MFHAS1: variants seen among roughly 807,000 people sequenced by gnomAD.
The protein encoded by MFHAS1 is multifunctional ROCO family signaling regulator 1.
MFHAS1 carries 50 observed loss-of-function variants against 70.4 expected under a neutral mutation model. The observed-to-expected ratio is 0.71, with a 90% CI of 0.57 to 0.90. The LOEUF (loss-of-function observed/expected upper bound fraction) is 0.90. Among genes scored for constraint, MFHAS1 ranks in the 40% least tolerant of loss-of-function variants. The pLI is 0.00. For synonymous variants in MFHAS1, 952 were observed against 620.0 expected (o/e 1.54, Z -7.96); for missense variants, 1,795 against 1,347.6 (o/e 1.33, Z -5.20).
At chr8:8,803,938 C>G (rs1339601217) in intron 1 of MFHAS1, among the ~76,000 whole-genome samples, 1 of 152,140 alleles carries the variant, frequency 6.6e-6, no homozygotes, top group African/African-American at 2.4e-5. Context: ...TGCCATTGCA[C>G]TCCAGCCTGG....
chr8:8,788,389 C>G (rs1292553138), intron 2 of MFHAS1, among the ~76,000 whole-genome samples: 2 of 152,154 alleles, frequency 1.3e-5, no homozygotes, highest in Admixed American at 1.3e-4. Flanking sequence ...ATAAAAAGTA[C>G]TGAGGAGAGC....
intron 1 of MFHAS1, among the ~76,000 whole-genome samples, chr8:8,830,299 G>T (rs1295986898): frequency 6.6e-6 from 1 of 152,150 alleles, no homozygotes; most frequent in Non-Finnish European, 1.5e-5. Context: ...TCTATATCAG[G>T]ATTTTCCTGA....
chr8:8,864,823 G>C (rs965105753), intron 1 of MFHAS1, among the ~76,000 whole-genome samples: 5 of 152,186 alleles, frequency 3.3e-5, no homozygotes, highest in Middle Eastern at 3.2e-3. Context: ...GGGAGAGAGA[G>C]AGGACTCAGA....
At chr8:8,824,345 C>T (rs183103274) in intron 1 of MFHAS1, among the ~76,000 whole-genome samples, 28 of 152,170 alleles carry the variant, frequency 1.8e-4, no homozygotes, top group Non-Finnish European at 3.2e-4. Context: ...ACAGGGTACC[C>T]CGGAGTCCTT....
chr8:8,859,927 C>T (rs1808599526), intron 1 of MFHAS1: 1 of 152,168 alleles, frequency 6.6e-6, no homozygotes, highest in African/African-American at 2.4e-5. Flanking sequence ...TGGTATTAAT[C>T]CCATTTTCAG....
At chr8:8,840,457 A>G (rs1465294687) in intron 1 of MFHAS1, among the ~76,000 whole-genome samples, 2 of 128,658 alleles carry the variant, frequency 1.6e-5, no homozygotes, top group Non-Finnish European at 3.3e-5. Flanking sequence ...ACTCCATCTC[A>G]ATACAAAAAA....
intron 1 of MFHAS1, among the ~76,000 whole-genome samples, chr8:8,883,001 A>C (rs1166717331): frequency 6.6e-6 from 1 of 151,808 alleles, no homozygotes; most frequent in African/African-American, 2.4e-5. Context: ...AAAAATACAA[A>C]AATTAGCCAG....
intron 1 of MFHAS1, among the ~76,000 whole-genome samples, chr8:8,838,201 A>G (rs1230673301): frequency 6.6e-6 from 1 of 152,232 alleles, no homozygotes; most frequent in Admixed American, 6.5e-5. Flanking sequence ...TAGACAAGGC[A>G]GATCTAATCT....
At chr8:8,790,636 C>A (rs1030407652) in intron 2 of MFHAS1, among the ~76,000 whole-genome samples, 1 of 152,148 alleles carries the variant, frequency 6.6e-6, no homozygotes, top group Admixed American at 6.5e-5. Flanking sequence ...TATAAAATAC[C>A]ATCCCATCCT....
At position 8,892,128 on chromosome 8, in the gene MFHAS1, C is replaced by T; in HGVS notation, c.931G>A (p.Val311Met). 6.2e-7 allele frequency: 1 copy of T among 1,612,480 alleles called. No individual in the cohort carries two copies. The highest frequency in any genetic ancestry group is 8.5e-7 in the Non-Finnish European group (1 of 1,180,028). ...LYLSRNQLTS[V>M]PSLISGLGRL... ...CCCAGGCCCGAGATAAGGGATGGCA[C>T]CGAGGTGAGCTGGTTGCGACTAAGG... The change falls in exon 1 of 3, where the codon GTG becomes ATG. Residue 311 changes from valine (V) to methionine (M), a missense_variant. Coordinates refer to ENST00000276282, the MANE Select transcript of MFHAS1 (RefSeq NM_004225.3). This position sits in a 1 kb window ranked among gnomAD's most constrained non-coding sequence, Gnocchi z 4.7.
At position 8,891,543 on chromosome 8, in the gene MFHAS1, T is replaced by C; in HGVS notation, c.1516A>G (p.Thr506Ala). ...ALYVLVVNLA[T>A]YEPRHFPTTV... ...GTAGGAAAGTGGCGAGGCTCATAGG[T>C]GGCCAAGTTGACCACCAGCACGTAT... Residue 506 changes from threonine (T) to alanine (A), a missense_variant, in exon 1 of 3, where the codon ACC becomes GCC. Physicochemically the swap from Thr to Ala is moderately conservative, Grantham distance 58. Transcript: ENST00000276282. The surrounding 1 kb of genome is among the most constrained non-coding windows in gnomAD (Gnocchi z 5.4). The C allele has an allele frequency of 6.2e-7, 1 of 1,612,996 alleles. No individual in the cohort carries two copies. The highest frequency in any genetic ancestry group is 1.1e-5 in the South Asian group (1 of 91,080).
At chr8:8,858,146 A>AG (rs1808515588) in intron 1 of MFHAS1, among the ~76,000 whole-genome samples, 1 of 152,216 alleles carries the variant, frequency 6.6e-6, no homozygotes, top group Non-Finnish European at 1.5e-5. Flanking sequence ...GACGGAGCAC[A>AG]GGGGGTATAC....
chr8:8,793,514 A>C (rs190598235), intron 2 of MFHAS1, among the ~76,000 whole-genome samples: 1 of 152,342 alleles, frequency 6.6e-6, no homozygotes, highest in Admixed American at 6.5e-5. Context: ...TAGGGTAATT[A>C]TTCTGGTCTA....
intron 2 of MFHAS1, among the ~76,000 whole-genome samples, chr8:8,796,715 G>T (rs1366392904): frequency 4.1e-5 from 5 of 122,994 alleles, no homozygotes; most frequent in Non-Finnish European, 8.3e-5. Flanking sequence ...GCAAAAAAAG[G>T]CCGGACGTGG....
At position 8,886,446 on chromosome 8, in the gene MFHAS1, C is replaced by A. The variant is rs557041476; in HGVS notation, c.2998+3615G>T. Among the ~76,000 whole-genome samples the A allele has an allele frequency of 3.3e-5, 5 of 152,138 alleles. No individual in the cohort carries two copies. In the South Asian group the frequency reaches 1.0e-3, roughly 32 times the overall value. ...GCCTCCCAAAGCAAAGGGATTACAG[C>A]CCTGAGCCACTGCACGCTGCCCATT... is the stretch of plus-strand genomic sequence containing the variant. On this transcript the variant is annotated intron_variant, in intron 1 of 2. Coordinates refer to ENST00000276282, the MANE Select transcript of MFHAS1 (RefSeq NM_004225.3).
intron 1 of MFHAS1, among the ~76,000 whole-genome samples, chr8:8,837,045 A>G (rs889321049): frequency 3.9e-5 from 6 of 152,198 alleles, no homozygotes; most frequent in African/African-American, 1.2e-4. Flanking sequence ...GGGACGTGCA[A>G]TGGCGGAACT....
Position 8,891,843 on chromosome 8 carries a change from C to T in MFHAS1, c.1216G>A (p.Val406Met), listed in dbSNP as rs1182572626. 7 of 1,612,718 alleles carry T rather than the reference C, an allele frequency of 4.3e-6. No individual in the cohort carries two copies. The highest frequency in any genetic ancestry group is 2.7e-5 in the African/African-American group (2 of 74,932). ...QKELAHSQPA[V>M]QPRLKLLLMG... ...AGGAGCAGCTTGAGCCGGGGCTGCA[C>T]CGCCGGCTGGGAATGAGCCAGTTCC... Residue 406 changes from valine to methionine, a missense_variant, in exon 1 of 3, where the codon GTG becomes ATG. Physicochemically the swap from Val to Met is conservative, Grantham distance 21 (BLOSUM62 1). Transcript: ENST00000276282. This position sits in a 1 kb window ranked among gnomAD's most constrained non-coding sequence, Gnocchi z 5.4.
At chr8:8,799,670 C>T (rs999532117) in intron 1 of MFHAS1, among the ~76,000 whole-genome samples, 1 of 152,184 alleles carries the variant, frequency 6.6e-6, no homozygotes, top group Non-Finnish European at 1.5e-5. Context: ...GCATGAGAAT[C>T]ACTTGAATCC....
chr8:8,856,476 G>A (rs1032408878), intron 1 of MFHAS1, among the ~76,000 whole-genome samples: 10 of 152,214 alleles, frequency 6.6e-5, no homozygotes, highest in South Asian at 2.1e-4. Flanking sequence ...TTCCTCTGGA[G>A]TATAAAAAAG....
Sources: allele counts gnomAD v4.1 joint callset (sites outside exome capture counted in the v4.1 genomes callset), GRCh38; gene constraint gnomAD v4.1.1; non-coding constraint Gnocchi (gnomAD v3.1); transcripts MANE v1.5; gene names NCBI Gene and HGNC (gene_info 2026-07-23, HGNC 2026-07-21).